Variants in RBM19 observed in about 807,000 individuals in gnomAD.
The protein encoded by RBM19 is probable RNA-binding protein 19.
RBM19 carries 94 observed loss-of-function variants against 116.8 expected under a neutral mutation model. The ratio of observed to expected loss-of-function variants is 0.80; its 90% CI spans 0.68 to 0.95. The LOEUF (loss-of-function observed/expected upper bound fraction) is 0.95. Ranked by LOEUF, RBM19 falls within the 40% of genes least tolerant of loss-of-function variation. RBM19 has a pLI of 0.00. For synonymous variants in RBM19, 475 were observed against 494.1 expected, an observed-to-expected ratio of 0.96 and a Z score of 0.51; for missense variants, 1,161 against 1,220.7, an observed-to-expected ratio of 0.95 and a Z score of 0.73.
Position 113,898,400 on chromosome 12 carries a change from T to C in RBM19, c.2558+16569A>G, listed in dbSNP as rs766985983. 8.5e-5 allele frequency among the ~76,000 whole-genome samples: 13 copies of C among 152,142 alleles called. No individual in the cohort carries two copies. Among genetic ancestry groups the C allele is most frequent in the Non-Finnish European group, 1.6e-4 (11 of 68,018 alleles). On this transcript the variant is annotated intron_variant, in intron 21 of 23. Transcript: ENST00000261741. This position sits in a 1 kb window ranked among gnomAD's most constrained non-coding sequence, Gnocchi z 4.3. Reference sequence around the variant, plus strand: ...ACACAGACATGATGCCTTTGGACACTAGAGTGTTCAGATCATGTCTCTGCA... The same window carrying C: ...ACACAGACATGATGCCTTTGGACACCAGAGTGTTCAGATCATGTCTCTGCA...
intron 21 of RBM19, among the ~76,000 whole-genome samples, chr12:113,882,932 T>G (rs540454696): frequency 2.0e-5 from 3 of 152,302 alleles, no homozygotes; most frequent in Non-Finnish European, 4.4e-5. Context: ...AAAGCAGCCC[T>G]CTTTTTCCCA....
At position 113,937,108 on chromosome 12, in the gene RBM19, C is replaced by G; in HGVS notation, c.1967G>C (p.Trp656Ser). The G allele has an allele frequency of 2.5e-6, 4 of 1,614,048 alleles. No individual in the cohort carries two copies. Among genetic ancestry groups the G allele is most frequent in the Non-Finnish European group, 2.5e-6 (3 of 1,179,946 alleles). ...GCTGGAGAAGACGCCAACTGGAGCCCACTCCAGATAGAGGGGGACATGATG... is the reference window on the plus strand; with the variant it reads ...GCTGGAGAAGACGCCAACTGGAGCCGACTCCAGATAGAGGGGGACATGATG... Reference protein sequence around the residue: ...KFHHVPLYLEWAPVGVFSSTA... With the variant: ...KFHHVPLYLESAPVGVFSSTA... Residue 656 changes from tryptophan to serine, a missense_variant, in exon 16 of 24, where the codon TGG (tryptophan) becomes TCG (serine). By Grantham distance (177) the Trp-to-Ser change is radical. Coordinates refer to ENST00000261741, the MANE Select transcript of RBM19 (RefSeq NM_016196.4).
At chr12:113,941,452 T>A (rs2061414) in intron 14 of RBM19, among the ~76,000 whole-genome samples, 25,049 of 152,260 alleles carry the variant, frequency 0.16, 2,806 homozygotes, top group African/African-American at 0.32. Flanking sequence ...AGTGGCCATG[T>A]GAATGAAATG....
At chr12:113,920,993 T>C (rs1337879384) in intron 18 of RBM19, among the ~76,000 whole-genome samples, 1 of 152,212 alleles carries the variant, frequency 6.6e-6, no homozygotes, top group Non-Finnish European at 1.5e-5. Context: ...CTAAGAGAGA[T>C]GACCATCATG....
Position 113,959,395 on chromosome 12 carries a change from C to T in RBM19, c.388G>A (p.Asp130Asn). ...GACAGAAACTCCTGGAACTCTGTAT[C>T]CTCCTTCAGCTGGTGGCACCAGAAC... ...VAGQLEKLKE[D>N]TEFQEFLSVH... The change falls in exon 5 of 24, where the codon GAT becomes AAT. Residue 130 changes from aspartate to asparagine, a missense_variant. Physicochemically the swap from Asp to Asn is conservative, Grantham distance 23. Transcript: ENST00000261741. 6.3e-7 allele frequency: 1 copy of T among 1,599,996 alleles called. No individual in the cohort carries two copies. Among genetic ancestry groups the T allele is most frequent in the Non-Finnish European group, 8.6e-7 (1 of 1,168,136 alleles).
intron 21 of RBM19, among the ~76,000 whole-genome samples, chr12:113,911,964 T>C (rs1882456439): frequency 6.6e-6 from 1 of 152,184 alleles, no homozygotes; most frequent in Non-Finnish European, 1.5e-5. Context: ...AATCCACTGC[T>C]GTGCCTCTCT....
chr12:113,822,992 C>A lies in RBM19; in HGVS notation c.*232G>T, dbSNP rs970128064. The A allele has an allele frequency of 1.9e-6, 1 of 539,218 alleles. No individual in the cohort carries two copies. The highest frequency in any genetic ancestry group is 1.9e-5 in the African/African-American group (1 of 52,344). The allele number at this position is 539,218 out of a possible 1,614,324, so 33.4% of individuals were successfully genotyped here. A position where few individuals can be genotyped will look rare whatever the true frequency, so the allele number is the denominator to read the frequency against. Reference sequence around the variant, plus strand: ...CCGTGTCTGCTACAGAGCAGGTGCGCAGTCAGTGTCTGCTAGAACGCGTCA... The same window carrying A: ...CCGTGTCTGCTACAGAGCAGGTGCGAAGTCAGTGTCTGCTAGAACGCGTCA... On this transcript the variant is annotated 3_prime_UTR_variant, in exon 24 of 24. Transcript: ENST00000261741.
chr12:113,910,591 G>A (rs1260345649), intron 21 of RBM19, among the ~76,000 whole-genome samples: 1 of 152,146 alleles, frequency 6.6e-6, no homozygotes, highest in Admixed American at 6.5e-5. Context: ...GACAGAAATG[G>A]GCAAGCCGAG....
Position 113,829,228 on chromosome 12 carries a change from G to A in RBM19, c.2786-5907C>T, listed in dbSNP as rs755861804. ...GGACATGAGCTCAAGTGATCCACCCGCCTTGGCCTCCTAACGTGCTGGGAT... is the reference window on the plus strand; with the variant it reads ...GGACATGAGCTCAAGTGATCCACCCACCTTGGCCTCCTAACGTGCTGGGAT... On this transcript the variant is annotated intron_variant, in intron 23 of 23. Coordinates refer to ENST00000261741, the MANE Select transcript of RBM19 (RefSeq NM_016196.4). Among the ~76,000 whole-genome samples the A allele has an allele frequency of 5.0e-4, 76 of 152,160 alleles. 2 individuals carry two copies. The highest frequency in any genetic ancestry group is 1.3e-4 in the Non-Finnish European group (9 of 68,032).
chr12:113,858,796 C>T lies in RBM19; in HGVS notation c.2659G>A (p.Ala887Thr), dbSNP rs760535449. 1.9e-6 allele frequency: 3 copies of T among 1,613,936 alleles called. No homozygotes were observed. In the South Asian group the frequency reaches 3.3e-5, roughly 18 times the overall value. The change falls in exon 22 of 24, where the codon GCG becomes ACG. Residue 887 changes from alanine to threonine, a missense_variant. By Grantham distance (58) the Ala-to-Thr change is moderately conservative. Coordinates refer to ENST00000261741, the MANE Select transcript of RBM19 (RefSeq NM_016196.4). ...GAAGGGATTCACGGTCTCACCTTCG[C>T]ATCCTGCTTGGTGAGGAAGTCCACA... ...GFVDFLTKQDAKRAFNALCHS... is the reference protein window; with the variant it reads ...GFVDFLTKQDTKRAFNALCHS...
chr12:113,887,645 AAAAAAAG>A (rs1338849630), intron 21 of RBM19, among the ~76,000 whole-genome samples: 10 of 149,972 alleles, frequency 6.7e-5, no homozygotes, highest in Non-Finnish European at 5.9e-5. Context: ...AAAAAAAAAA[AAAAAAAG>A]AAAAAAGAAA....
Position 113,823,015 on chromosome 12 carries a change from T to G in RBM19, c.*209A>C. ...CGCAGTCAGTGTCTGCTAGAACGCG[T>G]CACTGGTGAAACCCAGGATGCCTGG... On this transcript the variant is annotated 3_prime_UTR_variant, in exon 24 of 24. Transcript: ENST00000261741. 1.7e-6 allele frequency: 1 copy of G among 576,332 alleles called. No homozygotes were observed. Among genetic ancestry groups the G allele is most frequent in the South Asian group, 2.0e-5 (1 of 49,984 alleles). 35.7% of individuals were successfully genotyped at this position (576,332 alleles called of 1,614,324 possible).
At chr12:113,929,639 A>C (rs1284519974) in intron 16 of RBM19, among the ~76,000 whole-genome samples, 2 of 152,250 alleles carry the variant, frequency 1.3e-5, no homozygotes, top group African/African-American at 4.8e-5. Flanking sequence ...CATGACCTTC[A>C]GCAGTGAATG....
intron 21 of RBM19, among the ~76,000 whole-genome samples, chr12:113,870,333 G>T (rs995471479): frequency 6.6e-6 from 1 of 152,090 alleles, no homozygotes; most frequent in African/African-American, 2.4e-5. Context: ...CCACTCCTTC[G>T]CCTGCCACGT....
chr12:113,838,148 G>A (rs1876126259), intron 23 of RBM19, among the ~76,000 whole-genome samples: 1 of 152,178 alleles, frequency 6.6e-6, no homozygotes. Flanking sequence ...CACTGGGAGG[G>A]AACCCACCCC....
At chr12:113,836,781 T>C (rs113458015) in intron 23 of RBM19, among the ~76,000 whole-genome samples, 3,545 of 151,610 alleles carry the variant, frequency 0.023, 93 homozygotes, top group South Asian at 0.055. Context: ...TCCCAAGCAA[T>C]GCTTATGTGT....
rs369295504 is a variant in RBM19 at position 113,949,022 on chromosome 12, C to G, written c.1087G>C (p.Glu363Gln). The change falls in exon 10 of 24, where the codon GAG becomes CAG. Residue 363 changes from glutamate (E) to glutamine (Q), a missense_variant. Glu to Gln is a conservative substitution (Grantham distance 29). Coordinates refer to ENST00000261741, the MANE Select transcript of RBM19 (RefSeq NM_016196.4). ...GGGACGTTCTTTTCCCTGAACACCTCGATGTAGCGCCCACCTGCAATGAAG... is the reference window on the plus strand; with the variant it reads ...GGGACGTTCTTTTCCCTGAACACCTGGATGTAGCGCCCACCTGCAATGAAG... ...NREYMGGRYI[E>Q]VFREKNVPTT... 6.2e-7 allele frequency: 1 copy of G among 1,613,356 alleles called. No individual in the cohort carries two copies. The highest frequency in any genetic ancestry group is 8.5e-7 in the Non-Finnish European group (1 of 1,179,426).
At position 113,960,168 on chromosome 12, in the gene RBM19, C is replaced by T. The variant is rs1384884916; in HGVS notation, c.230G>A (p.Cys77Tyr). ...IDTSRITVEF[C>Y]KSFGDPAKPR... ...TTTGGCCGGGTCCCCGAATGACTTG[C>T]AGAACTCCACCTGTGTGGGAAAGAG... Residue 77 changes from cysteine (C) to tyrosine (Y), a missense_variant, in exon 3 of 24, where the codon TGC becomes TAC. Coordinates refer to ENST00000261741, the MANE Select transcript of RBM19 (RefSeq NM_016196.4). The T allele has an allele frequency of 6.2e-7, 1 of 1,613,648 alleles. No homozygotes were observed. The highest frequency in any genetic ancestry group is 2.2e-5 in the East Asian group (1 of 44,864).
intron 23 of RBM19, among the ~76,000 whole-genome samples, chr12:113,842,348 A>G (rs1028889692): frequency 6.6e-6 from 1 of 152,226 alleles, no homozygotes; most frequent in East Asian, 1.9e-4. Flanking sequence ...AGAGTCCCTT[A>G]CACAAACATT....
Sources: allele counts gnomAD v4.1 joint callset (sites outside exome capture counted in the v4.1 genomes callset), GRCh38; gene constraint gnomAD v4.1.1; non-coding constraint Gnocchi (gnomAD v3.1); transcripts MANE v1.5; gene names NCBI Gene and HGNC (gene_info 2026-07-23, HGNC 2026-07-21).